ABCB5: variants seen among roughly 807,000 people sequenced by gnomAD.
ABCB5 encodes ATP-binding cassette sub-family B member 5.
ABCB5 carries 155 observed loss-of-function variants against 144.2 expected under a neutral mutation model. The ratio of observed to expected loss-of-function variants is 1.08; its 90% CI spans 0.94 to 1.23. The LOEUF (loss-of-function observed/expected upper bound fraction) is 1.23, where lower values mean the gene tolerates loss of function less well. Ranked by LOEUF, ABCB5 falls within the 50% of genes most tolerant of loss-of-function variation. The pLI is 0.00. For missense variants in ABCB5, 1,830 were observed against 1,520.8 expected (o/e 1.20, Z -3.38); for synonymous variants, 610 against 528.6 (o/e 1.15, Z -2.11).
chr7:20,659,140 G>A lies in ABCB5; in HGVS notation c.1707+464G>A, dbSNP rs141078846. Reference sequence around the variant, plus strand: ...CGCTGACCTTGAACCAGCGCCCTTCGACAGCTCTGGCCCCTCAAACCTCAC... The same window carrying A: ...CGCTGACCTTGAACCAGCGCCCTTCAACAGCTCTGGCCCCTCAAACCTCAC... On this transcript the variant is annotated intron_variant, in intron 14 of 27. Transcript: ENST00000404938. 1.7e-5 allele frequency: 28 copies of A among 1,613,766 alleles called. No individual in the cohort carries two copies. The African/African-American group carries it at 2.5e-4, about 15-fold the overall frequency.
At chr7:20,728,250 A>G (rs569265428) in intron 22 of ABCB5, 65 bp from the exon 23 acceptor site, 25 of 1,556,316 alleles carry the variant, frequency 1.6e-5, no homozygotes, top group Admixed American at 5.3e-5. Context: ...TTATTACTCT[A>G]CATGTATTCA....
chr7:20,662,885 T>TAC (rs1398036750), intron 14 of ABCB5, among the ~76,000 whole-genome samples: 2 of 152,186 alleles, frequency 1.3e-5, no homozygotes. Context: ...CAAAAAGACT[T>TAC]ACACGTACTC....
intron 14 of ABCB5, chr7:20,667,239 T>C (rs1785229765): frequency 4.1e-6 from 4 of 965,734 alleles, no homozygotes; most frequent in East Asian, 1.1e-4. Context: ...TATTTATAGT[T>C]TAGGCCAGGA....
chr7:20,703,757 G>C (rs1265918487), intron 19 of ABCB5, among the ~76,000 whole-genome samples: 1 of 152,172 alleles, frequency 6.6e-6, no homozygotes, highest in African/African-American at 2.4e-5. Flanking sequence ...AATTCCTCAG[G>C]CTGAGAAGCA....
intron 16 of ABCB5, among the ~76,000 whole-genome samples, chr7:20,686,720 C>T (rs1407897436): frequency 6.6e-6 from 1 of 152,124 alleles, no homozygotes; most frequent in Non-Finnish European, 1.5e-5. Context: ...CCTCCAGCAT[C>T]CATACCATCT....
intron 13 of ABCB5, among the ~76,000 whole-genome samples, chr7:20,655,509 T>C (rs1583399327): frequency 7.0e-6 from 1 of 142,096 alleles, no homozygotes; most frequent in Middle Eastern, 3.7e-3. Flanking sequence ...AAAAGCTAGA[T>C]GTCTAAATAA....
At chr7:20,620,201 A>T (rs916503821) in intron 1 of ABCB5, among the ~76,000 whole-genome samples, 3 of 152,192 alleles carry the variant, frequency 2.0e-5, no homozygotes, top group Non-Finnish European at 4.4e-5. Flanking sequence ...GGATATCCAC[A>T]TTCAAAAGAA....
intron 23 of ABCB5, among the ~76,000 whole-genome samples, chr7:20,730,918 T>C (rs1262671925): frequency 2.6e-5 from 4 of 152,154 alleles, no homozygotes; most frequent in African/African-American, 9.7e-5. Context: ...TTTTGAGTAT[T>C]AGTAGAAAGC....
chr7:20,626,461 A>G, intron 2 of ABCB5, 96 bp from the exon 3 acceptor site: 1 of 1,001,924 alleles, frequency 1.0e-6, no homozygotes, highest in Non-Finnish European at 1.5e-6. Flanking sequence ...ATTTGCTACC[A>G]AGGTGATATC....
At chr7:20,693,983 AT>A (rs1453689579) in intron 16 of ABCB5, among the ~76,000 whole-genome samples, 4 of 151,654 alleles carry the variant, frequency 2.6e-5, no homozygotes, top group African/African-American at 4.8e-5. Flanking sequence ...TCTTACATTT[AT>A]TTTAAAAAAT....
chr7:20,640,416 C>T (rs1054069824), intron 5 of ABCB5, among the ~76,000 whole-genome samples: 7 of 151,996 alleles, frequency 4.6e-5, no homozygotes, highest in African/African-American at 1.5e-4. Flanking sequence ...AACTCATGGT[C>T]AACAGCACTA....
chr7:20,656,083 C>T, intron 13 of ABCB5, among the ~76,000 whole-genome samples: 1 of 145,656 alleles, frequency 6.9e-6, no homozygotes, highest in East Asian at 2.0e-4. Context: ...AAATGGTTAT[C>T]CTTGTGGAAA....
chr7:20,622,574 A>T lies in ABCB5; in HGVS notation c.-21-691A>T, dbSNP rs559278185. On this transcript the variant is annotated intron_variant, in intron 1 of 27. Coordinates refer to ENST00000404938, the MANE Select transcript of ABCB5 (RefSeq NM_001163941.2). ...CTTTATAATTGTCTTTATATAGGGT[A>T]ATATGTTATAGGGCCTAACAACTGA... 3.3e-5 allele frequency among the ~76,000 whole-genome samples: 5 copies of T among 152,228 alleles called. No homozygotes were observed. In the South Asian group the frequency reaches 1.0e-3, roughly 32 times the overall value.
chr7:20,751,656 C>T (rs1368553889), intron 26 of ABCB5, among the ~76,000 whole-genome samples: 6 of 152,114 alleles, frequency 3.9e-5, no homozygotes, highest in East Asian at 3.9e-4. Context: ...GAAAGGGCTA[C>T]GAGCTCATTA....
chr7:20,636,622 T>A (rs576595930), intron 5 of ABCB5, among the ~76,000 whole-genome samples: 10 of 151,654 alleles, frequency 6.6e-5, no homozygotes, highest in Non-Finnish European at 8.8e-5. Context: ...CCGTCTCTAT[T>A]AAGAATACAA....
chr7:20,712,022 G>C (rs1390133786), intron 20 of ABCB5, among the ~76,000 whole-genome samples: 10 of 143,796 alleles, frequency 7.0e-5, no homozygotes, highest in African/African-American at 2.6e-4. Flanking sequence ...GGTGGACCAC[G>C]AGGTCAGGAG....
intron 23 of ABCB5, among the ~76,000 whole-genome samples, chr7:20,733,691 T>C (rs1782295567): frequency 6.6e-6 from 1 of 151,424 alleles, no homozygotes; most frequent in African/African-American, 2.4e-5. Context: ...CATGCTGGAG[T>C]GCAGTGGCAC....
intron 27 of ABCB5, among the ~76,000 whole-genome samples, chr7:20,755,025 C>T (rs892081941): frequency 4.6e-5 from 7 of 152,036 alleles, no homozygotes; most frequent in African/African-American, 1.2e-4. Flanking sequence ...TCTCAGCTCA[C>T]GGCAACCTCC....
At chr7:20,732,947 T>A (rs10231101) in intron 23 of ABCB5, among the ~76,000 whole-genome samples, 2 of 152,200 alleles carry the variant, frequency 1.3e-5, no homozygotes, top group African/African-American at 4.8e-5. Flanking sequence ...TTATGAAAAT[T>A]GCTATAACGG....
Sources: gnomAD v4.1 joint callset for allele counts (sites outside exome capture counted in the v4.1 genomes callset) on GRCh38, gnomAD v4.1.1 for gene constraint, MANE v1.5 for transcripts, NCBI Gene and HGNC (gene_info 2026-07-23, HGNC 2026-07-21) for gene names.